RPAP2: variants seen among roughly 807,000 people sequenced by gnomAD.
RPAP2 encodes putative RNA polymerase II subunit B1 CTD phosphatase RPAP2.
In RPAP2, 52 loss-of-function variants were observed where a neutral mutation model predicts 73.1. The observed-to-expected ratio is 0.71, with a 90% CI of 0.57 to 0.90. The LOEUF (loss-of-function observed/expected upper bound fraction) is 0.90. Among genes scored for constraint, RPAP2 ranks in the 40% least tolerant of loss-of-function variants. RPAP2 has a pLI of 0.00. For missense variants in RPAP2, 598 were observed against 701.8 expected, an observed-to-expected ratio of 0.85 and a Z score of 1.67; for synonymous variants, 225 against 242.1, an observed-to-expected ratio of 0.93 and a Z score of 0.65.
At chr1:92,357,231 G>A (rs1654522512) in intron 11 of RPAP2, among the ~76,000 whole-genome samples, 1 of 152,066 alleles carries the variant, frequency 6.6e-6, no homozygotes, top group African/African-American at 2.4e-5. Flanking sequence ...GCCTACTGGA[G>A]GTTGAGGAAA....
At chr1:92,357,094 T>TACACACACACACAC (rs34488806) in intron 11 of RPAP2, among the ~76,000 whole-genome samples, 3 of 144,756 alleles carry the variant, frequency 2.1e-5, no homozygotes, top group African/African-American at 7.6e-5. Flanking sequence ...AAGGATTACA[T>TACACACACACACAC]ACACACACAC....
intron 11 of RPAP2, among the ~76,000 whole-genome samples, chr1:92,352,213 T>G (rs1654256681): frequency 1.3e-5 from 2 of 152,224 alleles, no homozygotes. Flanking sequence ...ATACAATAGT[T>G]TATTCTCTCT....
chr1:92,381,728 A>T (rs1254873104), intron 12 of RPAP2, among the ~76,000 whole-genome samples: 1 of 151,624 alleles, frequency 6.6e-6, no homozygotes. Context: ...TCTCTTTCCC[A>T]CAAGCATACT....
chr1:92,354,890 A>AATTATTATTATTATTATT (rs58610684), intron 11 of RPAP2, among the ~76,000 whole-genome samples: 1 of 147,684 alleles, frequency 6.8e-6, no homozygotes, highest in African/African-American at 2.5e-5. Context: ...AATTTATGTA[A>AATTATTATTATTATTATT]ATTATTATTA....
At chr1:92,382,098 C>G (rs2101451664) in intron 12 of RPAP2, among the ~76,000 whole-genome samples, 1 of 152,168 alleles carries the variant, frequency 6.6e-6, no homozygotes, top group East Asian at 1.9e-4. Flanking sequence ...AGGACATGAA[C>G]TCATCATTTT....
chr1:92,362,602 G>T (rs1256498398), intron 11 of RPAP2, among the ~76,000 whole-genome samples: 3 of 152,150 alleles, frequency 2.0e-5, no homozygotes, highest in Admixed American at 2.0e-4. Context: ...AAAATTCCGA[G>T]TGCAGCAAAA....
At chr1:92,349,165 A>G (rs1654071196) in intron 11 of RPAP2, among the ~76,000 whole-genome samples, 2 of 152,200 alleles carry the variant, frequency 1.3e-5, no homozygotes, top group African/African-American at 4.8e-5. Flanking sequence ...TTAAGTCACA[A>G]CTTGTAGACA....
Position 92,304,273 on chromosome 1 carries a change from C to A in RPAP2, c.334-11C>A, listed in dbSNP as rs752919376. 4.9e-6 allele frequency: 7 copies of A among 1,433,274 alleles called. No homozygotes were observed. The South Asian group carries it at 8.4e-5, about 17-fold the overall frequency. The allele number at this position is 1,433,274 out of a possible 1,614,324, so 88.8% of individuals were successfully genotyped here. A position where few individuals can be genotyped will look rare whatever the true frequency, so the allele number is the denominator to read the frequency against. On this transcript the variant is annotated splice_polypyrimidine_tract_variant and intron_variant, in intron 4 of 12. Transcript: ENST00000610020. ...TGGATTCTTTTGTAAGCTGTACTTT[C>A]TTTTCTTTAGGTACCAAAACAGAAA...
rs1656326586 is a variant in RPAP2, at chr1:92,401,949, G to A, written c.*14938G>A. On this transcript the variant is annotated 3_prime_UTR_variant, in exon 13 of 13. Coordinates refer to ENST00000610020, the MANE Select transcript of RPAP2 (RefSeq NM_024813.3). ...TGCTGTATTCATTTTAGTTTCTTCA[G>A]GATTTTGCCTATGTTTGAAGGATAT... 1 of 152,118 alleles carries A rather than the reference G, an allele frequency of 6.6e-6. No homozygotes were observed. Among genetic ancestry groups the A allele is most frequent in the African/African-American group, 2.4e-5 (1 of 41,418 alleles). 9.4% of individuals were successfully genotyped at this position (152,118 alleles called of 1,614,324 possible). A position where few individuals can be genotyped will look rare whatever the true frequency, so the allele number is the denominator to read the frequency against.
intron 9 of RPAP2, among the ~76,000 whole-genome samples, chr1:92,336,027 C>T (rs1438442176): frequency 6.6e-6 from 1 of 152,122 alleles, no homozygotes; most frequent in Middle Eastern, 3.2e-3. Context: ...ATTTTGGGGG[C>T]AGTTGTGTTC....
At chr1:92,338,603 G>A (rs893500212) in intron 10 of RPAP2, among the ~76,000 whole-genome samples, 1 of 151,706 alleles carries the variant, frequency 6.6e-6, no homozygotes, top group Non-Finnish European at 1.5e-5. Flanking sequence ...ACATAAAGTC[G>A]AGTGAGGGAA....
chr1:92,327,682 T>C (rs1485182012), intron 8 of RPAP2, among the ~76,000 whole-genome samples: 1 of 152,166 alleles, frequency 6.6e-6, no homozygotes, highest in East Asian at 1.9e-4. Context: ...TGAGGTACTA[T>C]TCTATTCATC....
At chr1:92,305,659 T>G (rs1406467420) in intron 5 of RPAP2, among the ~76,000 whole-genome samples, 2 of 151,926 alleles carry the variant, frequency 1.3e-5, no homozygotes, top group Non-Finnish European at 2.9e-5. Context: ...ATATGATCTA[T>G]AAGAAAAAGA....
chr1:92,375,613 T>C lies in RPAP2; in HGVS notation c.1689-5111T>C, dbSNP rs181636829. Among the ~76,000 whole-genome samples, 73 of 152,220 alleles carry C rather than the reference T, an allele frequency of 4.8e-4. 1 individual carries two copies. The highest frequency in any genetic ancestry group is 3.9e-3 in the Admixed American group (60 of 15,278). ...TGGGAGGCCTACGCGGGCAGATCAC[T>C]TGAGGTCAGGAGTTGAAGATCAGTC... On this transcript the variant is annotated intron_variant, in intron 11 of 12. Transcript: ENST00000610020.
intron 11 of RPAP2, among the ~76,000 whole-genome samples, chr1:92,351,532 T>C (rs1654216824): frequency 6.6e-6 from 1 of 152,116 alleles, no homozygotes; most frequent in African/African-American, 2.4e-5. Context: ...TTTCTAGCCA[T>C]AGGACACATC....
At chr1:92,345,408 G>T (rs759779448) in intron 10 of RPAP2, among the ~76,000 whole-genome samples, 14 of 127,416 alleles carry the variant, frequency 1.1e-4, no homozygotes, top group Non-Finnish European at 2.1e-4. Flanking sequence ...AAAAGAGAGA[G>T]AGAGAAGAAA....
chr1:92,337,035 C>T (rs1283422233), intron 10 of RPAP2, among the ~76,000 whole-genome samples: 1 of 152,038 alleles, frequency 6.6e-6, no homozygotes, highest in Non-Finnish European at 1.5e-5. Flanking sequence ...AGAAGCATAG[C>T]AATAAGCCTC....
intron 11 of RPAP2, among the ~76,000 whole-genome samples, chr1:92,346,353 A>G (rs1305556511): frequency 1.3e-5 from 2 of 151,896 alleles, no homozygotes; most frequent in East Asian, 1.9e-4. Context: ...TTGTAGAGAC[A>G]GTGTCTTGCT....
chr1:92,375,804 C>A (rs963350611), intron 11 of RPAP2, among the ~76,000 whole-genome samples: 1 of 151,988 alleles, frequency 6.6e-6, no homozygotes, highest in African/African-American at 2.4e-5. Context: ...GCACCCCAGC[C>A]TGGGTGACAG....
Sources: gnomAD v4.1 joint callset for allele counts (sites outside exome capture counted in the v4.1 genomes callset) on GRCh38, gnomAD v4.1.1 for gene constraint, MANE v1.5 for transcripts, NCBI Gene and HGNC (gene_info 2026-07-23, HGNC 2026-07-21) for gene names.